NUMB: variants seen among roughly 807,000 people sequenced by gnomAD.
NUMB encodes the protein NUMB endocytic adaptor protein.
In NUMB, 29 loss-of-function variants were observed where a neutral mutation model predicts 59.7. That is an observed-to-expected ratio of 0.49 (90% CI 0.36 to 0.66). NUMB has a LOEUF of 0.66. Ranked by LOEUF, NUMB falls within the 30% of genes least tolerant of loss-of-function variation. NUMB has a pLI of 0.00. For synonymous variants in NUMB, 288 were observed against 288.2 expected (o/e 1.00, Z 0.01); for missense variants, 723 against 822.0 (o/e 0.88, Z 1.47).
intron 2 of NUMB, among the ~76,000 whole-genome samples, chr14:73,384,760 T>TTGTC (rs71112744): frequency 1.3e-5 from 2 of 151,580 alleles, no homozygotes; most frequent in Non-Finnish European, 2.9e-5. Context: ...GTTTGTTTGT[T>TTGTC]AGAGATGAGG....
At chr14:73,304,951 G>C (rs761966399) in intron 6 of NUMB, among the ~76,000 whole-genome samples, 5 of 151,808 alleles carry the variant, frequency 3.3e-5, no homozygotes, top group Non-Finnish European at 7.4e-5. Flanking sequence ...ATTTTTAATA[G>C]AGAAGGGGTT....
chr14:73,322,195 G>A (rs1046565913), intron 5 of NUMB, among the ~76,000 whole-genome samples: 1 of 152,192 alleles, frequency 6.6e-6, no homozygotes, highest in Non-Finnish European at 1.5e-5. Flanking sequence ...ACAGCAAAGT[G>A]GGGAAAGGCC....
chr14:73,296,259 A>G (rs1889761727), intron 7 of NUMB, among the ~76,000 whole-genome samples: 1 of 152,156 alleles, frequency 6.6e-6, no homozygotes, highest in Non-Finnish European at 1.5e-5. Flanking sequence ...CCTGACCAAC[A>G]TGGTGAAACC....
chr14:73,296,063 T>TTTAATTTTAATTTTAA (rs199734445), intron 7 of NUMB, among the ~76,000 whole-genome samples: 2,243 of 152,332 alleles, frequency 0.015, 52 homozygotes, highest in African/African-American at 0.048. Flanking sequence ...AGTCCATCTT[T>TTTAATTTTAATTTTAA]TTTTAATTTT....
intron 6 of NUMB, among the ~76,000 whole-genome samples, chr14:73,306,495 T>C (rs1332249050): frequency 1.3e-5 from 2 of 152,214 alleles, no homozygotes; most frequent in Admixed American, 6.5e-5. Flanking sequence ...GGGTCTCATC[T>C]TCTGTTTCCT....
intron 1 of NUMB, among the ~76,000 whole-genome samples, chr14:73,414,568 T>A (rs1047242628): frequency 6.6e-6 from 1 of 152,052 alleles, no homozygotes; most frequent in African/African-American, 2.4e-5. Flanking sequence ...TAATTTTTCA[T>A]AGAGATGGGG....
chr14:73,305,837 A>G (rs913343736), intron 6 of NUMB, among the ~76,000 whole-genome samples: 2 of 152,224 alleles, frequency 1.3e-5, no homozygotes, highest in Non-Finnish European at 2.9e-5. Flanking sequence ...ATCTACACAG[A>G]GGCAGGCATT....
At chr14:73,388,106 A>AAAAAT (rs200789775) in intron 2 of NUMB, among the ~76,000 whole-genome samples, 2 of 152,046 alleles carry the variant, frequency 1.3e-5, no homozygotes, top group African/African-American at 2.4e-5. Context: ...CTGTCTCTAA[A>AAAAAT]AAAATAAAAT....
At chr14:73,374,719 C>CTTTT (rs368185389) in intron 2 of NUMB, among the ~76,000 whole-genome samples, 80 of 119,312 alleles carry the variant, frequency 6.7e-4, no homozygotes, top group African/African-American at 1.4e-3. Flanking sequence ...GTTACATTAA[C>CTTTT]TTTTTTTTTT....
At chr14:73,283,144 A>ATG (rs1185586672) in intron 10 of NUMB, among the ~76,000 whole-genome samples, 2 of 152,218 alleles carry the variant, frequency 1.3e-5, no homozygotes, top group East Asian at 3.9e-4. Context: ...GAAGCTAATT[A>ATG]TGTGTGCTAA....
At chr14:73,428,343 C>G (rs998104061) in intron 1 of NUMB, among the ~76,000 whole-genome samples, 4 of 152,110 alleles carry the variant, frequency 2.6e-5, no homozygotes, top group African/African-American at 9.7e-5. Context: ...CTCTTGGGCT[C>G]TTCTAATTCT....
intron 1 of NUMB, among the ~76,000 whole-genome samples, chr14:73,413,486 G>A (rs922400395): frequency 1.3e-5 from 2 of 151,868 alleles, no homozygotes; most frequent in African/African-American, 4.8e-5. Context: ...GGCGGGGCAT[G>A]GTGGCTCACG....
At chr14:73,325,300 T>G (rs1370140466) in intron 4 of NUMB, among the ~76,000 whole-genome samples, 3 of 152,014 alleles carry the variant, frequency 2.0e-5, no homozygotes, top group Non-Finnish European at 4.4e-5. Context: ...AGACCCTGTC[T>G]CTACAAAAAT....
In NUMB at chr14:73,275,468, A is replaced by G. The variant is rs1420393117; in HGVS notation, c.*1110T>C. 6.6e-6 allele frequency: 1 copy of G among 152,442 alleles called. No homozygotes were observed. The highest frequency in any genetic ancestry group is 2.4e-5 in the African/African-American group (1 of 41,442). The allele number at this position is 152,442 out of a possible 1,614,324, so 9.4% of individuals were successfully genotyped here. On this transcript the variant is annotated 3_prime_UTR_variant, in exon 13 of 13. Coordinates refer to ENST00000555238, the MANE Select transcript of NUMB (RefSeq NM_001005743.2). The stretch of plus-strand genomic sequence containing the variant: ...TCCCCACAAAACTCATGGGAACAAA[A>G]TTTAAAGGATAAAACAAAACCCACC...
intron 2 of NUMB, among the ~76,000 whole-genome samples, chr14:73,396,834 T>C (rs1344455652): frequency 3.9e-5 from 6 of 152,078 alleles, no homozygotes; most frequent in Admixed American, 2.6e-4. Context: ...TGTAAAACCA[T>C]AGATAGCAGC....
intron 1 of NUMB, among the ~76,000 whole-genome samples, chr14:73,447,185 C>CAA (rs1300208842): frequency 1.9e-5 from 2 of 104,568 alleles, no homozygotes; most frequent in South Asian, 6.3e-4. Flanking sequence ...GACTCCATCT[C>CAA]AAAAAAAAAA....
intron 1 of NUMB, among the ~76,000 whole-genome samples, chr14:73,446,940 G>A (rs1289089642): frequency 6.6e-6 from 1 of 152,006 alleles, no homozygotes; most frequent in Non-Finnish European, 1.5e-5. Context: ...TGTAATCCCA[G>A]CACTTTGGGA....
chr14:73,457,468 C>T (rs1427955209), intron 1 of NUMB, among the ~76,000 whole-genome samples: 2 of 152,130 alleles, frequency 1.3e-5, no homozygotes, highest in South Asian at 2.1e-4. Context: ...ATCTACTGTC[C>T]TAGCCAGTTC....
In NUMB at chr14:73,284,388, A is replaced by G; in HGVS notation, c.656-14T>C. On this transcript the variant is annotated splice_polypyrimidine_tract_variant and intron_variant, in intron 9 of 12. Coordinates refer to ENST00000555238, the MANE Select transcript of NUMB (RefSeq NM_001005743.2). ...TATCTGTTTCAGCTCAAGAAAATAA[A>G]GAGAATGAAGACCTTAGCAATGTCT... 2 of 1,603,596 alleles carry G rather than the reference A, an allele frequency of 1.2e-6. No individual in the cohort carries two copies. Among genetic ancestry groups the G allele is most frequent in the Non-Finnish European group, 1.7e-6 (2 of 1,173,634 alleles).
Sources: gnomAD v4.1 joint callset for allele counts (sites outside exome capture counted in the v4.1 genomes callset) on GRCh38, gnomAD v4.1.1 for gene constraint, MANE v1.5 for transcripts, NCBI Gene and HGNC (gene_info 2026-07-23, HGNC 2026-07-21) for gene names.